Variants in MIGA1 observed in about 807,000 individuals in gnomAD.
The protein encoded by MIGA1 is family with sequence similarity 73, member A.
In MIGA1, 58 loss-of-function variants were observed where a neutral mutation model predicts 82.0. That is an observed-to-expected ratio of 0.71 (90% CI 0.57 to 0.88). MIGA1 has a LOEUF of 0.88. MIGA1 is among the 40% of genes least tolerant of loss of function. MIGA1 has a pLI of 0.00. For synonymous variants in MIGA1, 249 were observed against 253.6 expected (o/e 0.98, Z 0.17); for missense variants, 751 against 749.1 (o/e 1.00, Z -0.03).
At chr1:77,807,858 G>C (rs896585055) in intron 5 of MIGA1, among the ~76,000 whole-genome samples, 1 of 151,548 alleles carries the variant, frequency 6.6e-6, no homozygotes, top group Non-Finnish European at 1.5e-5. Flanking sequence ...TCTCACTCTC[G>C]CCCAGGCTAG....
intron 8 of MIGA1, among the ~76,000 whole-genome samples, chr1:77,846,106 A>G (rs1195351247): frequency 6.6e-6 from 1 of 152,136 alleles, no homozygotes; most frequent in Non-Finnish European, 1.5e-5. Context: ...CACCCTAAAC[A>G]CAAACCCCTG....
chr1:77,805,822 A>G (rs1683078737), intron 4 of MIGA1, among the ~76,000 whole-genome samples: 1 of 152,126 alleles, frequency 6.6e-6, no homozygotes, highest in East Asian at 1.9e-4. Context: ...GCGCCTGGCC[A>G]GAGTATGCCT....
At chr1:77,854,267 GTTTC>G (rs1209670444) in intron 8 of MIGA1, among the ~76,000 whole-genome samples, 1 of 152,112 alleles carries the variant, frequency 6.6e-6, no homozygotes, top group Non-Finnish European at 1.5e-5. Flanking sequence ...ACATACCACA[GTTTC>G]TTTATCCACT....
intron 1 of MIGA1, 144 bp downstream of exon 1, chr1:77,779,880 G>C: frequency 2.1e-6 from 3 of 1,425,522 alleles, no homozygotes; most frequent in Non-Finnish European, 2.7e-6. Context: ...GCCAGGTGGA[G>C]CGGCGGAAAG....
chr1:77,801,538 A>C (rs773191531), intron 3 of MIGA1, 30 bp downstream of exon 3: 2 of 1,541,048 alleles, frequency 1.3e-6, no homozygotes. Context: ...GTAAGTGTAC[A>C]AAAGTGTGTA....
chr1:77,853,826 C>A (rs80091092), intron 8 of MIGA1: 2,877 of 241,142 alleles, frequency 0.012, 97 homozygotes, highest in African/African-American at 0.062. Flanking sequence ...TGGAGAGATT[C>A]AACCAGTTAG....
At chr1:77,811,400 T>G in intron 5 of MIGA1, 4 of 1,600,474 alleles carry the variant, frequency 2.5e-6, no homozygotes, top group Non-Finnish European at 3.4e-6. Context: ...AATTCCAAAT[T>G]CTCTTCTTCA....
chr1:77,829,089 G>T (rs181878677), intron 7 of MIGA1, among the ~76,000 whole-genome samples: 4 of 152,220 alleles, frequency 2.6e-5, no homozygotes, highest in Admixed American at 1.3e-4. Flanking sequence ...TCCTTGGAAA[G>T]TGTTAAAGCT....
chr1:77,779,677 C>A lies in MIGA1; in HGVS notation c.22C>A (p.Pro8Thr). 6.3e-7 allele frequency: 1 copy of A among 1,588,216 alleles called. No homozygotes were observed. The highest frequency in any genetic ancestry group is 8.6e-7 in the Non-Finnish European group (1 of 1,167,354). ...CTCCATGTCAGACTGCTGCTCAGCG[C>A]CAGGCATCAGCTGGGAAGCTGGCGT... The change falls in exon 1 of 16, where the codon CCA (proline) becomes ACA (threonine). Residue 8 changes from proline (P) to threonine (T), a missense_variant. Physicochemically the swap from Pro to Thr is conservative, Grantham distance 38 (BLOSUM62 -1). Coordinates refer to ENST00000370791, the MANE Select transcript of MIGA1 (RefSeq NM_198549.4).
intron 6 of MIGA1, among the ~76,000 whole-genome samples, chr1:77,814,197 T>C (rs1469484454): frequency 6.6e-6 from 1 of 152,174 alleles, no homozygotes; most frequent in Admixed American, 6.5e-5. Context: ...CCCAAAGTAT[T>C]TTTTAATGTT....
intron 7 of MIGA1, among the ~76,000 whole-genome samples, chr1:77,841,952 T>A (rs1325170256): frequency 6.7e-6 from 1 of 150,172 alleles, no homozygotes; most frequent in Non-Finnish European, 1.5e-5. Flanking sequence ...CTGGCTATTT[T>A]TTTTTTTTTT....
intron 8 of MIGA1, among the ~76,000 whole-genome samples, chr1:77,844,062 C>T (rs1684724570): frequency 7.0e-6 from 1 of 143,492 alleles, no homozygotes; most frequent in Non-Finnish European, 1.5e-5. Flanking sequence ...GATCGTGGCA[C>T]TGCATTCCAG....
At chr1:77,845,687 T>C (rs1039183614) in intron 8 of MIGA1, among the ~76,000 whole-genome samples, 1 of 152,166 alleles carries the variant, frequency 6.6e-6, no homozygotes, top group African/African-American at 2.4e-5. Flanking sequence ...TGCCAAGCAC[T>C]TAAGGTTAAA....
At chr1:77,851,662 G>A (rs1439279397) in intron 8 of MIGA1, among the ~76,000 whole-genome samples, 1 of 152,134 alleles carries the variant, frequency 6.6e-6, no homozygotes, top group African/African-American at 2.4e-5. Context: ...ATGTTAGCTA[G>A]TATCAAATCT....
intron 2 of MIGA1, among the ~76,000 whole-genome samples, chr1:77,796,869 T>G (rs966489727): frequency 1.3e-5 from 2 of 152,216 alleles, no homozygotes; most frequent in Non-Finnish European, 2.9e-5. Flanking sequence ...CTGTGTGTTT[T>G]TACAGCTGTG....
intron 8 of MIGA1, among the ~76,000 whole-genome samples, chr1:77,844,093 C>A: frequency 1.3e-5 from 1 of 77,088 alleles, no homozygotes; most frequent in African/African-American, 4.7e-5. Flanking sequence ...AGAACAAGAC[C>A]CTGTCTTAAA....
At chr1:77,852,913 A>G (rs1570998475) in intron 8 of MIGA1, among the ~76,000 whole-genome samples, 1 of 151,978 alleles carries the variant, frequency 6.6e-6, no homozygotes, top group African/African-American at 2.4e-5. Flanking sequence ...CTGGTCTCCA[A>G]CTCTTGACCT....
At chr1:77,806,900 AT>A (rs1333034325) in intron 4 of MIGA1, 74 bp from the exon 5 acceptor site, 57 of 1,108,630 alleles carry the variant, frequency 5.1e-5, no homozygotes, top group Non-Finnish European at 6.9e-5. Context: ...TATAAAAATA[AT>A]TTGTAAATAT....
intron 7 of MIGA1, among the ~76,000 whole-genome samples, chr1:77,817,096 T>C (rs900198910): frequency 6.6e-6 from 1 of 152,176 alleles, no homozygotes; most frequent in Non-Finnish European, 1.5e-5. Flanking sequence ...TCTTGTAATA[T>C]TCATCGCGGA....
Sources: allele counts gnomAD v4.1 joint callset (sites outside exome capture counted in the v4.1 genomes callset), GRCh38; gene constraint gnomAD v4.1.1; transcripts MANE v1.5; gene names NCBI Gene and HGNC (gene_info 2026-07-23, HGNC 2026-07-21).